PPP2R2B: variants seen among roughly 807,000 people sequenced by gnomAD.
PPP2R2B encodes the protein serine/threonine-protein phosphatase 2A 55 kDa regulatory subunit B beta isoform.
Under a neutral mutation model 46.0 loss-of-function variants are expected in PPP2R2B, and 5 were observed. The ratio of observed to expected loss-of-function variants is 0.11; its 90% CI spans 0.06 to 0.23. The LOEUF is 0.23. PPP2R2B is among the 10% of genes least tolerant of loss of function. The pLI is 1.00. For missense variants in PPP2R2B, 367 were observed against 575.0 expected (o/e 0.64, Z 3.70); for synonymous variants, 215 against 206.7 (o/e 1.04, Z -0.34).
At chr5:146,692,976 C>T (rs1168363211) in intron 4 of PPP2R2B, among the ~76,000 whole-genome samples, 2 of 152,118 alleles carry the variant, frequency 1.3e-5, no homozygotes, top group Admixed American at 6.6e-5. Context: ...AACTTGGTTG[C>T]CTTCTTTGTA....
At chr5:147,075,486 T>C (rs969711947) in intron 2 of PPP2R2B, among the ~76,000 whole-genome samples, 3 of 152,168 alleles carry the variant, frequency 2.0e-5, no homozygotes, top group Non-Finnish European at 2.9e-5. Context: ...GTTCTATCTC[T>C]ATCTCTGAGA....
chr5:147,071,801 T>G (rs1757607851), intron 2 of PPP2R2B, among the ~76,000 whole-genome samples: 2 of 152,196 alleles, frequency 1.3e-5, no homozygotes, highest in Non-Finnish European at 2.9e-5. Flanking sequence ...TTACGTCTAT[T>G]GTCTAGCCCC....
At chr5:146,848,078 G>A (rs1582260224) in intron 2 of PPP2R2B, among the ~76,000 whole-genome samples, 1 of 152,108 alleles carries the variant, frequency 6.6e-6, no homozygotes, top group East Asian at 1.9e-4. Context: ...TTTTACCTGC[G>A]TTACAGTCGC....
At chr5:146,698,232 T>C (rs769894113) in intron 3 of PPP2R2B, 88 bp from the exon 4 acceptor site, 306 of 1,174,722 alleles carry the variant, frequency 2.6e-4, no homozygotes, top group South Asian at 8.0e-4. Flanking sequence ...CCAGCAGTCA[T>C]TGGGGGTGGG....
intron 2 of PPP2R2B, among the ~76,000 whole-genome samples, chr5:146,749,817 C>G (rs1753439777): frequency 1.3e-5 from 2 of 152,210 alleles, no homozygotes; most frequent in African/African-American, 2.4e-5. Flanking sequence ...CCAGGATGGT[C>G]TCGATCTCCT....
intron 7 of PPP2R2B, among the ~76,000 whole-genome samples, chr5:146,631,795 T>C (rs1241801735): frequency 6.6e-6 from 1 of 152,132 alleles, no homozygotes; most frequent in East Asian, 1.9e-4. Context: ...TCTATCATCC[T>C]GGTCCTTTGG....
chr5:146,914,439 G>C (rs1254711210), intron 1 of PPP2R2B: 1 of 152,142 alleles, frequency 6.6e-6, no homozygotes, highest in Non-Finnish European at 1.5e-5. Context: ...TACAACCTAT[G>C]TAAAGATCAC....
At chr5:147,041,727 T>G (rs1356210986) in intron 1 of PPP2R2B, among the ~76,000 whole-genome samples, 1 of 152,196 alleles carries the variant, frequency 6.6e-6, no homozygotes, top group African/African-American at 2.4e-5. Context: ...GATCTTCATT[T>G]TCTTTATTTT....
chr5:146,845,628 C>T (rs569682731), intron 2 of PPP2R2B, among the ~76,000 whole-genome samples: 1 of 152,234 alleles, frequency 6.6e-6, no homozygotes, highest in Non-Finnish European at 1.5e-5. Flanking sequence ...AGACACTGTG[C>T]GTGGTCAGCT....
intron 1 of PPP2R2B, among the ~76,000 whole-genome samples, chr5:146,908,709 G>C (rs1763082729): frequency 6.6e-6 from 1 of 152,192 alleles, no homozygotes; most frequent in South Asian, 2.1e-4. Flanking sequence ...ACTAGTCAGT[G>C]TCAGACCTAG....
At chr5:146,854,066 T>A (rs1437882679) in intron 2 of PPP2R2B, among the ~76,000 whole-genome samples, 2 of 151,972 alleles carry the variant, frequency 1.3e-5, no homozygotes, top group Non-Finnish European at 2.9e-5. Context: ...AACCTTTGCA[T>A]CCCCAGCACC....
At chr5:146,863,595 C>T (rs1430808779) in intron 2 of PPP2R2B, among the ~76,000 whole-genome samples, 1 of 152,086 alleles carries the variant, frequency 6.6e-6, no homozygotes, top group Admixed American at 6.6e-5. Flanking sequence ...GGGTCACCTA[C>T]TAACCACCAC....
At chr5:147,043,319 A>T (rs991508773) in intron 1 of PPP2R2B, among the ~76,000 whole-genome samples, 35 of 152,002 alleles carry the variant, frequency 2.3e-4, no homozygotes, top group African/African-American at 8.5e-4. Context: ...GCCATTAAGG[A>T]GGTAATTATG....
chr5:147,045,975 C>T (rs151231235), intron 1 of PPP2R2B, among the ~76,000 whole-genome samples: 51 of 152,240 alleles, frequency 3.3e-4, no homozygotes, highest in Non-Finnish European at 4.9e-4. Context: ...TCCTGATCTT[C>T]GTGTGCATAA....
intron 2 of PPP2R2B, among the ~76,000 whole-genome samples, chr5:146,820,340 C>T (rs1335765844): frequency 2.0e-5 from 3 of 152,024 alleles, no homozygotes; most frequent in Non-Finnish European, 4.4e-5. Context: ...GTCAATTAAA[C>T]ATTAAAAAAT....
At chr5:146,788,067 G>T (rs567696752) in intron 2 of PPP2R2B, among the ~76,000 whole-genome samples, 16 of 152,224 alleles carry the variant, frequency 1.1e-4, no homozygotes, top group African/African-American at 3.9e-4. Context: ...TGATTTTCCA[G>T]CTGGAAATGA....
At chr5:146,935,730 G>A (rs563244748) in intron 1 of PPP2R2B, among the ~76,000 whole-genome samples, 1 of 152,274 alleles carries the variant, frequency 6.6e-6, no homozygotes, top group African/African-American at 2.4e-5. Flanking sequence ...ACTAAAAGAA[G>A]TTTGATATGT....
intron 2 of PPP2R2B, among the ~76,000 whole-genome samples, chr5:146,799,005 C>T (rs1012999902): frequency 6.6e-6 from 1 of 152,128 alleles, no homozygotes; most frequent in Admixed American, 6.5e-5. Context: ...GTGACAGATA[C>T]ACTGAATACT....
At chr5:147,014,502 A>G (rs564192406) in intron 1 of PPP2R2B, among the ~76,000 whole-genome samples, 1 of 152,244 alleles carries the variant, frequency 6.6e-6, no homozygotes, top group African/African-American at 2.4e-5. Flanking sequence ...TCCAACAATG[A>G]TAGACTGGAT....
Sources: gnomAD v4.1 joint callset for allele counts (sites outside exome capture counted in the v4.1 genomes callset) on GRCh38, gnomAD v4.1.1 for gene constraint, MANE v1.5 for transcripts, NCBI Gene and HGNC (gene_info 2026-07-23, HGNC 2026-07-21) for gene names.